TACO1: variants seen among roughly 807,000 people sequenced by gnomAD.
The protein encoded by TACO1 is translational activator of cytochrome c oxidase I.
A neutral mutation model predicts 24.0 loss-of-function variants in TACO1; 13 were observed. That is an observed-to-expected ratio of 0.54 (90% confidence interval 0.35 to 0.86). The LOEUF (loss-of-function observed/expected upper bound fraction) is 0.86, where lower values mean the gene tolerates loss of function less well. TACO1 is among the 40% of genes least tolerant of loss of function. The pLI is 0.01. For missense variants in TACO1, 352 were observed against 380.1 expected, an observed-to-expected ratio of 0.93 and a Z score of 0.61; for synonymous variants, 149 against 153.5, an observed-to-expected ratio of 0.97 and a Z score of 0.22.
chr17:63,603,248 TAAAAA>T (rs2033835514), intron 1 of TACO1, among the ~76,000 whole-genome samples: 1 of 151,446 alleles, frequency 6.6e-6, no homozygotes, highest in Non-Finnish European at 1.5e-5. Context: ...AAAATAATAA[TAAAAA>T]TAAAATAAAA....
At chr17:63,607,554 C>T (rs2033872560) in intron 4 of TACO1, 90 bp downstream of exon 4, 1 of 1,372,904 alleles carries the variant, frequency 7.3e-7, no homozygotes, top group Admixed American at 1.7e-5. Flanking sequence ...CCTTCATGTG[C>T]CCCAGGGTAT....
At position 63,608,155 on chromosome 17, in the gene TACO1, A is replaced by T. The variant is rs2033878327; in HGVS notation, c.*153A>T. The T allele has an allele frequency of 1.2e-6, 1 of 812,108 alleles. No homozygotes were observed. Among genetic ancestry groups the T allele is most frequent in the African/African-American group, 1.7e-5 (1 of 59,000 alleles). 50.3% of individuals were successfully genotyped at this position (812,108 alleles called of 1,614,324 possible). On this transcript the variant is annotated 3_prime_UTR_variant, in exon 5 of 5. Coordinates refer to ENST00000258975, the MANE Select transcript of TACO1 (RefSeq NM_016360.4). ...GGACTTGCGACCTTGAAGCCAAAGG[A>T]ATCTCACTTGTGGGGCCTCCTTGTC...
chr17:63,606,384 A>G lies in TACO1; in HGVS notation c.459A>G (p.Leu153=). 6.2e-7 allele frequency: 1 copy of G among 1,614,188 alleles called. No homozygotes were observed. The highest frequency in any genetic ancestry group is 8.5e-7 in the Non-Finnish European group (1 of 1,180,030). The stretch of plus-strand genomic sequence containing the variant: ...GCTCTTCTCTGCTCATCGAGGCATT[A>G]TCTAACAGTAGCCACAAGTGCCAAG... ...PGGSSLLIEA[L]SNSSHKCQAD... Residue 153 remains leucine (L), a synonymous_variant, in exon 3 of 5, where the codon TTA becomes TTG. Transcript: ENST00000258975.
chr17:63,601,730 C>A (rs1317168954), intron 1 of TACO1, among the ~76,000 whole-genome samples: 1 of 152,144 alleles, frequency 6.6e-6, no homozygotes, highest in Admixed American at 6.5e-5. Context: ...CCTCTGAAGT[C>A]GCCTCAAGTA....
At chr17:63,607,580 C>T in intron 4 of TACO1, 116 bp downstream of exon 4, 2 of 1,110,392 alleles carry the variant, frequency 1.8e-6, no homozygotes, top group South Asian at 2.6e-5. Context: ...AGACAGTTCA[C>T]ATATTGTACA....
Position 63,607,444 on chromosome 17 carries a change from G to A in TACO1, c.673G>A (p.Glu225Lys). 3 of 1,614,222 alleles carry A rather than the reference G, an allele frequency of 1.9e-6. No individual in the cohort carries two copies. Among genetic ancestry groups the A allele is most frequent in the Non-Finnish European group, 2.5e-6 (3 of 1,180,048 alleles). ...GGATGTCAAGGAAACTGAAGATGAAGAAGAAAGGAACGTTTTTAAAGTAAG... is the reference window on the plus strand; with the variant it reads ...GGATGTCAAGGAAACTGAAGATGAAAAAGAAAGGAACGTTTTTAAAGTAAG... ...AEDVKETEDE[E>K]ERNVFKFICD... Residue 225 changes from glutamate (E) to lysine (K), a missense_variant, in exon 4 of 5, where the codon GAA becomes AAA. Glu to Lys is a moderately conservative substitution (Grantham distance 56). Coordinates refer to ENST00000258975, the MANE Select transcript of TACO1 (RefSeq NM_016360.4).
Position 63,606,385 on chromosome 17 carries a change from T to A in TACO1, c.460T>A (p.Ser154Thr). The change falls in exon 3 of 5, where the codon TCT (serine) becomes ACT (threonine). Residue 154 changes from serine (S) to threonine (T), a missense_variant. Coordinates refer to ENST00000258975, the MANE Select transcript of TACO1 (RefSeq NM_016360.4). ...CTCTTCTCTGCTCATCGAGGCATTA[T>A]CTAACAGTAGCCACAAGTGCCAAGC... Reference protein sequence around the residue: ...GGSSLLIEALSNSSHKCQADI... With the variant: ...GGSSLLIEALTNSSHKCQADI... 9 of 1,614,178 alleles carry A rather than the reference T, an allele frequency of 5.6e-6. No homozygotes were observed. The highest frequency in any genetic ancestry group is 7.6e-6 in the Non-Finnish European group (9 of 1,180,028).
In TACO1 at chr17:63,608,024, G is replaced by A; in HGVS notation, c.*22G>A. On this transcript the variant is annotated 3_prime_UTR_variant, in exon 5 of 5. Transcript: ENST00000258975. ...ATAACCAGGCTACATGTGCCCCCGG[G>A]TTCCTTCCTAGAAATGTGGCAGCCC... 1 of 1,613,186 alleles carries A rather than the reference G, an allele frequency of 6.2e-7. No homozygotes were observed. Among genetic ancestry groups the A allele is most frequent in the South Asian group, 1.1e-5 (1 of 91,034 alleles).
At chr17:63,603,064 C>G (rs1269679795) in intron 1 of TACO1, among the ~76,000 whole-genome samples, 4 of 151,888 alleles carry the variant, frequency 2.6e-5, no homozygotes, top group Non-Finnish European at 5.9e-5. Context: ...AACCCCGTCT[C>G]TACTAAAAAT....
intron 2 of TACO1, 126 bp downstream of exon 2, chr17:63,604,766 C>G (rs1247725165): frequency 3.4e-6 from 3 of 891,402 alleles, no homozygotes; most frequent in Non-Finnish European, 5.5e-6. Flanking sequence ...ATAATCCCAG[C>G]ACTTTGGGAG....
chr17:63,606,099 G>T (rs954093269), intron 2 of TACO1, among the ~76,000 whole-genome samples: 10 of 152,096 alleles, frequency 6.6e-5, no homozygotes, highest in Non-Finnish European at 7.3e-5. Flanking sequence ...ATTGTTCAGG[G>T]ACCGGAGAAA....
At position 63,608,049 on chromosome 17, in the gene TACO1, C is replaced by A. The variant is rs1405515006; in HGVS notation, c.*47C>A. Reference sequence around the variant, plus strand: ...GTTCCTTCCTAGAAATGTGGCAGCCCATTCCAGCACACAGGCTTCTGCAGC... The same window carrying A: ...GTTCCTTCCTAGAAATGTGGCAGCCAATTCCAGCACACAGGCTTCTGCAGC... On this transcript the variant is annotated 3_prime_UTR_variant, in exon 5 of 5. Transcript: ENST00000258975. The A allele has an allele frequency of 6.3e-7, 1 of 1,594,794 alleles. No individual in the cohort carries two copies. Among genetic ancestry groups the A allele is most frequent in the Non-Finnish European group, 8.6e-7 (1 of 1,165,502 alleles).
At position 63,604,547 on chromosome 17, in the gene TACO1, C is replaced by T. The variant is rs1370506567; in HGVS notation, c.294C>T (p.Asn98=). 1 of 1,614,016 alleles carries T rather than the reference C, an allele frequency of 6.2e-7. No homozygotes were observed. Among genetic ancestry groups the T allele is most frequent in the Admixed American group, 1.7e-5 (1 of 59,982 alleles). ...IRLAVKEGGP[N]PEHNSNLANI... ...TTTAAATCTCAGAAGGAGGCCCCAA[C>T]CCTGAGCACAACAGCAACCTGGCCA... The change falls in exon 2 of 5, where the codon AAC becomes AAT. Residue 98 remains asparagine (N), a synonymous_variant. Coordinates refer to ENST00000258975, the MANE Select transcript of TACO1 (RefSeq NM_016360.4).
At chr17:63,606,256 C>T in intron 2 of TACO1, 57 bp from the exon 3 acceptor site, 1 of 1,609,190 alleles carries the variant, frequency 6.2e-7, no homozygotes, top group Non-Finnish European at 8.5e-7. Flanking sequence ...TAGTTCTGGG[C>T]TGACATGTGG....
At chr17:63,602,619 C>G (rs1389992595) in intron 1 of TACO1, among the ~76,000 whole-genome samples, 1 of 151,986 alleles carries the variant, frequency 6.6e-6, no homozygotes, top group African/African-American at 2.4e-5. Context: ...CTCCACCTCC[C>G]AGGCTCAAGT....
intron 4 of TACO1, 26 bp downstream of exon 4, chr17:63,607,490 G>T (rs772898784): frequency 6.2e-7 from 1 of 1,613,818 alleles, no homozygotes; most frequent in East Asian, 2.2e-5. Flanking sequence ...TGGGTGTTTG[G>T]TGGGCTTCCG....
intron 4 of TACO1, 97 bp from the exon 5 acceptor site, chr17:63,607,705 C>G: frequency 8.3e-7 from 1 of 1,200,978 alleles, no homozygotes. Flanking sequence ...ACCCAGTGAT[C>G]CATTCCAGTA....
chr17:63,608,221 G>A lies in TACO1; in HGVS notation c.*219G>A, dbSNP rs1049231672. The A allele has an allele frequency of 1.1e-5, 7 of 614,376 alleles. No individual in the cohort carries two copies. The highest frequency in any genetic ancestry group is 4.4e-4 in the Middle Eastern group (1 of 2,248). The allele number at this position is 614,376 out of a possible 1,614,324, so 38.1% of individuals were successfully genotyped here. ...TCAGAGCCATCTGGATGAGTGTCCC[G>A]ACACCCTCTCGGATGCAGGGCAGGA... On this transcript the variant is annotated 3_prime_UTR_variant, in exon 5 of 5. Transcript: ENST00000258975.
chr17:63,607,291 G>T lies in TACO1; in HGVS notation c.520G>T (p.Val174Leu). Residue 174 changes from valine to leucine, a missense_variant, in exon 4 of 5, where the codon GTG becomes TTG. Transcript: ENST00000258975. Reference sequence around the variant, plus strand: ...GCCTGTTTCCTTCCCTGTCAGAGGAGTGATGGCTGTAGGAGCTCGTCACTC... The same window carrying T: ...GCCTGTTTCCTTCCCTGTCAGAGGATTGATGGCTGTAGGAGCTCGTCACTC... ...IRHILNKNGG[V>L]MAVGARHSFD... is the part of the protein sequence containing the mutation. 1 of 1,613,652 alleles carries T rather than the reference G, an allele frequency of 6.2e-7. No homozygotes were observed. The highest frequency in any genetic ancestry group is 2.2e-5 in the East Asian group (1 of 44,888).
Sources: gnomAD v4.1 joint callset for allele counts (sites outside exome capture counted in the v4.1 genomes callset) on GRCh38, gnomAD v4.1.1 for gene constraint, MANE v1.5 for transcripts, NCBI Gene and HGNC (gene_info 2026-07-23, HGNC 2026-07-21) for gene names.